KNG1: variants seen among roughly 807,000 people sequenced by gnomAD.
The protein encoded by KNG1 is kininogen 1, also known as kininogen-1.
A neutral mutation model predicts 47.8 loss-of-function variants in KNG1; 23 were observed. That is an observed-to-expected ratio of 0.48 (90% CI 0.35 to 0.68). KNG1 has a LOEUF of 0.68. Among genes scored for constraint, KNG1 ranks in the 30% least tolerant of loss-of-function variants. The pLI is 0.01. For missense variants in KNG1, 762 were observed against 790.2 expected, an observed-to-expected ratio of 0.96 and a Z score of 0.43; for synonymous variants, 277 against 277.0, an observed-to-expected ratio of 1.00 and a Z score of 0.00.
At chr3:186,739,283 C>T (rs759610967) in intron 8 of KNG1, 45 bp from the exon 9 acceptor site, 9 of 1,576,428 alleles carry the variant, frequency 5.7e-6, no homozygotes, top group East Asian at 2.2e-5. Context: ...TTAAATGTCT[C>T]GTGAATAACA....
At chr3:186,731,702 T>G in intron 6 of KNG1, 73 bp downstream of exon 6, 2 of 1,008,604 alleles carry the variant, frequency 2.0e-6, no homozygotes, top group Admixed American at 3.6e-5. Context: ...TCTTTTCCTA[T>G]AAGTTGGGTT....
chr3:186,723,611 C>T (rs966757838), intron 3 of KNG1, among the ~76,000 whole-genome samples: 34 of 152,080 alleles, frequency 2.2e-4, no homozygotes, highest in African/African-American at 4.6e-4. Context: ...TCTTTGTTTA[C>T]GGCCAAATAC....
Position 186,743,712 on chromosome 3 carries a change from T to A in KNG1, c.*1381T>A. ...GTTTTACTATACTTACAGAGTCACCTAAGGTCCTGCGAGTACAAGGGTCGA... is the reference window on the plus strand; with the variant it reads ...GTTTTACTATACTTACAGAGTCACCAAAGGTCCTGCGAGTACAAGGGTCGA... On this transcript the variant is annotated 3_prime_UTR_variant, in exon 10 of 10. Coordinates refer to ENST00000644859, the MANE Select transcript of KNG1 (RefSeq NM_001102416.3). The A allele has an allele frequency of 6.2e-7, 1 of 1,613,364 alleles. No individual in the cohort carries two copies. The highest frequency in any genetic ancestry group is 8.5e-7 in the Non-Finnish European group (1 of 1,179,304).
intron 4 of KNG1, 115 bp downstream of exon 4, chr3:186,725,375 G>A (rs1415998130): frequency 9.8e-7 from 1 of 1,025,564 alleles, no homozygotes; most frequent in Non-Finnish European, 1.5e-6. Flanking sequence ...CACAGGAAGC[G>A]AAGAGCTTTC....
At chr3:186,725,930 T>G (rs2108624320) in intron 4 of KNG1, among the ~76,000 whole-genome samples, 1 of 146,968 alleles carries the variant, frequency 6.8e-6, no homozygotes. Flanking sequence ...AAAAAAAAAG[T>G]ATATATCCGT....
chr3:186,735,485 G>A (rs372079880), intron 7 of KNG1, among the ~76,000 whole-genome samples: 1 of 152,238 alleles, frequency 6.6e-6, no homozygotes, highest in South Asian at 2.1e-4. Flanking sequence ...GGGTGTGGTG[G>A]TGGGTGCCTA....
At chr3:186,724,716 GAC>G (rs1191977925) in intron 3 of KNG1, among the ~76,000 whole-genome samples, 2 of 151,054 alleles carry the variant, frequency 1.3e-5, no homozygotes, top group African/African-American at 2.4e-5. Context: ...TTTCTTTTGA[GAC>G]ACAGTCTTGC....
At position 186,732,686 on chromosome 3, in the gene KNG1, A is replaced by G; in HGVS notation, c.930+12A>G. 3.7e-6 allele frequency: 6 copies of G among 1,604,656 alleles called. No homozygotes were observed. The highest frequency in any genetic ancestry group is 5.1e-6 in the Non-Finnish European group (6 of 1,171,336). On this transcript the variant is annotated intron_variant, in intron 7 of 9. Coordinates refer to ENST00000644859, the MANE Select transcript of KNG1 (RefSeq NM_001102416.3). The stretch of plus-strand genomic sequence containing the variant: ...AAGCAAGAGTACAGGTGTGTAAACT[A>G]TACTACAAAAGCAGTAACACTATAG...
At position 186,717,669 on chromosome 3, in the gene KNG1, A is replaced by C. The variant is rs375059182; in HGVS notation, c.127A>C (p.Lys43Gln). 10 of 1,613,138 alleles carry C rather than the reference A, an allele frequency of 6.2e-6. No homozygotes were observed. The African/African-American group carries it at 1.3e-4, about 22-fold the overall frequency. Residue 43 changes from lysine (K) to glutamine (Q), a missense_variant, in exon 1 of 10, where the codon AAA (lysine) becomes CAA (glutamine). Transcript: ENST00000644859. ...TAAAGCTGTGGATGCTGCTCTGAAG[A>C]AATATAACAGTCAAAACCAAAGTAA... ...LFKAVDAALK[K>Q]YNSQNQSNNQ...
intron 2 of KNG1, 196 bp downstream of exon 2, chr3:186,720,411 T>A (rs1720156007): frequency 3.3e-6 from 2 of 601,982 alleles, no homozygotes; most frequent in Non-Finnish European, 5.9e-6. Flanking sequence ...AGCCAGCAGT[T>A]AAACATGGAG....
chr3:186,717,494 G>A lies in KNG1; in HGVS notation c.-49G>A, dbSNP rs760831857. 2.1e-6 allele frequency: 3 copies of A among 1,409,810 alleles called. No individual in the cohort carries two copies. Among genetic ancestry groups the A allele is most frequent in the African/African-American group, 2.8e-5 (2 of 70,418 alleles). 87.3% of individuals were successfully genotyped at this position (1,409,810 alleles called of 1,614,324 possible). A position where few individuals can be genotyped will look rare whatever the true frequency, so the allele number is the denominator to read the frequency against. ...AAATTCAGTATCCCAGTTGGCTCTT[G>A]ATTCTTGGTGAAACCATCCCTCAGC... On this transcript the variant is annotated 5_prime_UTR_variant, in exon 1 of 10. Transcript: ENST00000644859.
rs773614013 is a variant in KNG1 at position 186,717,658 on chromosome 3, C to T, written c.116C>T (p.Ala39Val). 1 of 1,613,044 alleles carries T rather than the reference C, an allele frequency of 6.2e-7. No homozygotes were observed. ...NDKDLFKAVD[A>V]ALKKYNSQNQ... ...AAGGATTTATTTAAAGCTGTGGATG[C>T]TGCTCTGAAGAAATATAACAGTCAA... Residue 39 changes from alanine to valine, a missense_variant, in exon 1 of 10, where the codon GCT becomes GTT. Coordinates refer to ENST00000644859, the MANE Select transcript of KNG1 (RefSeq NM_001102416.3).
intron 1 of KNG1, among the ~76,000 whole-genome samples, chr3:186,719,066 T>A (rs937719160): frequency 4.6e-5 from 7 of 152,200 alleles, no homozygotes; most frequent in African/African-American, 1.7e-4. Flanking sequence ...CATGTTATTT[T>A]TTCTGAAAGT....
At chr3:186,735,062 AT>A (rs1387262007) in intron 7 of KNG1, among the ~76,000 whole-genome samples, 1 of 152,238 alleles carries the variant, frequency 6.6e-6, no homozygotes, top group Non-Finnish European at 1.5e-5. Flanking sequence ...TCATTGCCAT[AT>A]GACCACGTTA....
chr3:186,743,784 G>A lies in KNG1; in HGVS notation c.*1453G>A. 2.5e-6 allele frequency: 4 copies of A among 1,613,102 alleles called. No individual in the cohort carries two copies. The highest frequency in any genetic ancestry group is 3.4e-6 in the Non-Finnish European group (4 of 1,179,038). On this transcript the variant is annotated 3_prime_UTR_variant, in exon 10 of 10. Coordinates refer to ENST00000644859, the MANE Select transcript of KNG1 (RefSeq NM_001102416.3). ...CCAGCATCTGAGAGGGAGGTCTCTT[G>A]ACCAATGGGCAGAATCTTCACTCCA...
Position 186,727,182 on chromosome 3 carries a change from C to T in KNG1, c.565-55C>T, listed in dbSNP as rs1720397564. ...TAAACTCCTCATAACATTCATATCC[C>T]ACAGCGAATAATGTTTAAACTGCCC... On this transcript the variant is annotated intron_variant, in intron 4 of 9. Coordinates refer to ENST00000644859, the MANE Select transcript of KNG1 (RefSeq NM_001102416.3). 3.4e-6 allele frequency: 4 copies of T among 1,167,782 alleles called. No individual in the cohort carries two copies. In the East Asian group the frequency reaches 7.0e-5, roughly 21 times the overall value. The allele number at this position is 1,167,782 out of a possible 1,614,324, so 72.3% of individuals were successfully genotyped here. A position where few individuals can be genotyped will look rare whatever the true frequency, so the allele number is the denominator to read the frequency against.
intron 5 of KNG1, chr3:186,728,443 C>G (rs1720429760): frequency 6.6e-6 from 1 of 151,812 alleles, no homozygotes; most frequent in African/African-American, 2.4e-5. Flanking sequence ...TATATCCATA[C>G]AGTAGAATAT....
At chr3:186,735,151 T>C (rs1405678523) in intron 7 of KNG1, among the ~76,000 whole-genome samples, 1 of 152,220 alleles carries the variant, frequency 6.6e-6, no homozygotes, top group Non-Finnish European at 1.5e-5. Flanking sequence ...ATTTCTGCTT[T>C]CTTGTGAAAT....
intron 5 of KNG1, among the ~76,000 whole-genome samples, chr3:186,730,512 C>G (rs986574567): frequency 6.6e-6 from 1 of 151,060 alleles, no homozygotes; most frequent in Admixed American, 6.6e-5. Flanking sequence ...AAAAATTAGC[C>G]GGGTGTGGTG....
Sources: gnomAD v4.1 joint callset for allele counts (sites outside exome capture counted in the v4.1 genomes callset) on GRCh38, gnomAD v4.1.1 for gene constraint, MANE v1.5 for transcripts, NCBI Gene and HGNC (gene_info 2026-07-23, HGNC 2026-07-21) for gene names.